The following TENM1 variants were observed in gnomAD, a reference collection of about 807,000 sequenced individuals.
The protein encoded by TENM1 is teneurin transmembrane protein 1, also known as teneurin-1.
Under a neutral mutation model 174.8 loss-of-function variants are expected in TENM1, and 35 were observed. That is an observed-to-expected ratio of 0.20 (90% confidence interval 0.15 to 0.27). TENM1 has a LOEUF of 0.27. TENM1 is among the 10% of genes least tolerant of loss of function. The probability of loss-of-function intolerance (pLI) is 1.00; values close to 1 mark genes in which losing one functional copy is unlikely to be tolerated. For missense variants in TENM1, 1,633 were observed against 2,130.1 expected, an observed-to-expected ratio of 0.77 and a Z score of 4.59; for synonymous variants, 781 against 798.7, an observed-to-expected ratio of 0.98 and a Z score of 0.37.
intron 1 of TENM1, among the ~76,000 whole-genome samples, chrX:124,940,294 T>C (rs1032723287): frequency 8.9e-6 from 1 of 111,811 alleles, no homozygotes; most frequent in African/African-American, 3.3e-5. Context: ...TAAGAAGAGA[T>C]GGTCAAGAGC....
chrX:124,459,415 G>A (rs1394920058), intron 22 of TENM1, among the ~76,000 whole-genome samples: 4 of 110,817 alleles, frequency 3.6e-5, no homozygotes, highest in Non-Finnish European at 5.7e-5. Context: ...TTTAGATGAG[G>A]AAATGGAAGT....
intron 18 of TENM1, among the ~76,000 whole-genome samples, chrX:124,510,003 C>T (rs1036035178): frequency 8.9e-6 from 1 of 112,120 alleles, no homozygotes; most frequent in South Asian, 3.7e-4. Flanking sequence ...GGATTACAGG[C>T]GTGAGCCACC....
At chrX:124,482,575 TC>T (rs1395988470) in intron 21 of TENM1, among the ~76,000 whole-genome samples, 6 of 111,804 alleles carry the variant, frequency 5.4e-5, no homozygotes, top group African/African-American at 1.9e-4. Flanking sequence ...TGGTTTTTGT[TC>T]TTTCAGGACA....
chrX:124,407,406 A>T (rs2060475634), intron 25 of TENM1, among the ~76,000 whole-genome samples: 2 of 111,973 alleles, frequency 1.8e-5, no homozygotes, highest in Admixed American at 1.9e-4. Context: ...TCAAGTTGCA[A>T]ATTACAAAAT....
At chrX:124,725,425 T>C (rs993420851) in intron 4 of TENM1, among the ~76,000 whole-genome samples, 1 of 112,159 alleles carries the variant, frequency 8.9e-6, no homozygotes, top group African/African-American at 3.2e-5. Context: ...TCATTTAAAG[T>C]ATTTGCATTA....
chrX:124,758,962 A>G (rs973930237), intron 3 of TENM1, among the ~76,000 whole-genome samples: 2 of 111,972 alleles, frequency 1.8e-5, no homozygotes, highest in African/African-American at 6.5e-5. Context: ...CTATACAAAA[A>G]TGTACACATA....
At chrX:125,033,910 A>G in the TENM1 span, among the ~76,000 whole-genome samples, 1 of 112,130 alleles carries the variant, frequency 8.9e-6, no homozygotes, top group Non-Finnish European at 1.9e-5. Flanking sequence ...ACACATGTAA[A>G]CAACAGAAAA....
chrX:124,380,873 C>G, exon 32 of TENM1: 4 of 1,211,642 alleles, frequency 3.3e-6, no homozygotes, highest in Non-Finnish European at 4.5e-6. Context: ...TCTAGTCCTC[C>G]CATTCAACAC....
At chrX:124,745,496 G>A (rs1459054913) in intron 3 of TENM1, among the ~76,000 whole-genome samples, 1 of 111,297 alleles carries the variant, frequency 9.0e-6, no homozygotes, top group Non-Finnish European at 1.9e-5. Flanking sequence ...ATTCACAAAT[G>A]ATTTATTTTT....
chrX:124,969,022 C>T, the TENM1 span, among the ~76,000 whole-genome samples: 46 of 112,123 alleles, frequency 4.1e-4, no homozygotes, highest in African/African-American at 1.4e-3. Context: ...TTGACTTTTT[C>T]AGTCAGTGCC....
intron 11 of TENM1, among the ~76,000 whole-genome samples, chrX:124,588,290 C>G (rs2049608507): frequency 1.8e-5 from 2 of 111,122 alleles, no homozygotes; most frequent in Non-Finnish European, 3.8e-5. Context: ...TGGAACCAAC[C>G]CAAATGTCCA....
At chrX:124,642,371 C>T (rs1387928537) in intron 10 of TENM1, among the ~76,000 whole-genome samples, 1 of 112,176 alleles carries the variant, frequency 8.9e-6, no homozygotes, top group Non-Finnish European at 1.9e-5. Flanking sequence ...CTTATCCTTT[C>T]TGAAAATGGA....
At chrX:124,920,694 G>A (rs1042873959) in intron 1 of TENM1, among the ~76,000 whole-genome samples, 2 of 109,990 alleles carry the variant, frequency 1.8e-5, no homozygotes, top group African/African-American at 6.6e-5. Flanking sequence ...GCCAAATTAG[G>A]TGAAAAAGTT....
the TENM1 span, among the ~76,000 whole-genome samples, chrX:125,030,994 A>G: frequency 9.0e-6 from 1 of 110,779 alleles, no homozygotes; most frequent in Non-Finnish European, 1.9e-5. Context: ...TTCAGCAGGT[A>G]CATGTGCTGG....
chrX:125,038,893 A>G, the TENM1 span, among the ~76,000 whole-genome samples: 8 of 111,910 alleles, frequency 7.1e-5, no homozygotes, highest in Admixed American at 7.6e-4. Context: ...AATATTCCAA[A>G]AGACTAGGCT....
At chrX:125,063,413 C>T in the TENM1 span, among the ~76,000 whole-genome samples, 474 of 111,667 alleles carry the variant, frequency 4.2e-3, 5 homozygotes, top group African/African-American at 0.015. Flanking sequence ...ATCTACTCAT[C>T]TGACAAAGGG....
chrX:124,496,879 AT>A, intron 20 of TENM1, 136 bp downstream of exon 23: 1 of 601,319 alleles, frequency 1.7e-6, no homozygotes, highest in Non-Finnish European at 2.6e-6. Flanking sequence ...CTTTGTCCCT[AT>A]TCCTGCATCT....
chrX:124,906,623 C>T (rs752704195), intron 1 of TENM1, among the ~76,000 whole-genome samples: 1 of 111,801 alleles, frequency 8.9e-6, no homozygotes, highest in South Asian at 3.7e-4. Context: ...TACACAAATG[C>T]TCATAGAAGC....
At chrX:124,752,131 C>T (rs2054090067) in intron 3 of TENM1, among the ~76,000 whole-genome samples, 1 of 111,337 alleles carries the variant, frequency 9.0e-6, no homozygotes, top group Non-Finnish European at 1.9e-5. Flanking sequence ...GTTCCTATTT[C>T]TCCACATCCT....
Sources: gnomAD v4.1 joint callset for allele counts (sites outside exome capture counted in the v4.1 genomes callset) on GRCh38, gnomAD v4.1.1 for gene constraint, MANE v1.5 for transcripts, NCBI Gene and HGNC (gene_info 2026-07-23, HGNC 2026-07-21) for gene names.